The following TTC27 variants were observed in gnomAD, a reference collection of about 807,000 sequenced individuals.
The protein encoded by TTC27 is tetratricopeptide repeat protein 27.
In TTC27, 79 loss-of-function variants were observed where a neutral mutation model predicts 115.9. The observed-to-expected ratio is 0.68, with a 90% CI of 0.57 to 0.82. TTC27 has a LOEUF of 0.82. TTC27 is among the 40% of genes least tolerant of loss of function. TTC27 has a pLI of 0.00. For synonymous variants in TTC27, 401 were observed against 356.0 expected, an observed-to-expected ratio of 1.13 and a Z score of -1.42; for missense variants, 1,054 against 993.1, an observed-to-expected ratio of 1.06 and a Z score of -0.82.
intron 4 of TTC27, among the ~76,000 whole-genome samples, chr2:32,644,872 CTTTT>C (rs35904079): frequency 1.2e-5 from 1 of 83,332 alleles, no homozygotes; most frequent in African/African-American, 4.5e-5. Context: ...TTCCTTTCTG[CTTTT>C]TTTTTTTTTT....
chr2:32,659,262 G>C (rs187292703), intron 5 of TTC27, among the ~76,000 whole-genome samples: 4 of 151,790 alleles, frequency 2.6e-5, no homozygotes, highest in Non-Finnish European at 4.4e-5. Context: ...ACGATGCCCA[G>C]CCCCTCCTTT....
intron 12 of TTC27, among the ~76,000 whole-genome samples, chr2:32,753,527 T>A (rs947946294): frequency 9.4e-5 from 12 of 127,998 alleles, no homozygotes; most frequent in African/African-American, 3.5e-4. Flanking sequence ...AACCTCTGCC[T>A]CCCACTCTGC....
intron 10 of TTC27, among the ~76,000 whole-genome samples, chr2:32,714,409 C>T (rs1371316282): frequency 5.9e-5 from 9 of 152,056 alleles, no homozygotes; most frequent in African/African-American, 1.2e-4. Flanking sequence ...CTGCTTACCT[C>T]GGCCTCCCAA....
intron 16 of TTC27, among the ~76,000 whole-genome samples, chr2:32,804,010 TAA>T (rs56712262): frequency 6.7e-5 from 9 of 133,884 alleles, no homozygotes; most frequent in East Asian, 2.1e-4. Context: ...CCATCTCAAT[TAA>T]AAAAAAAAAA....
chr2:32,766,420 G>A (rs758691393), intron 13 of TTC27: 2 of 341,432 alleles, frequency 5.9e-6, no homozygotes, highest in African/African-American at 2.1e-5. Context: ...ACGCTGAGAG[G>A]CACTGTAGGG....
intron 8 of TTC27, among the ~76,000 whole-genome samples, chr2:32,672,586 TTCTG>T (rs1043776367): frequency 2.6e-5 from 4 of 152,224 alleles, no homozygotes; most frequent in Non-Finnish European, 5.9e-5. Context: ...ATATCTATTC[TTCTG>T]TTTCCTTTAT....
intron 9 of TTC27, among the ~76,000 whole-genome samples, chr2:32,695,987 G>T (rs1411467164): frequency 6.6e-6 from 1 of 150,938 alleles, no homozygotes; most frequent in Non-Finnish European, 1.5e-5. Context: ...GCCGGTCGTG[G>T]TGGCATGTAC....
chr2:32,718,438 C>A lies in TTC27; in HGVS notation c.1234-15390C>A, dbSNP rs1052920849. Among the ~76,000 whole-genome samples, 4 of 152,066 alleles carry A rather than the reference C, an allele frequency of 2.6e-5. No individual in the cohort carries two copies. The East Asian group carries it at 7.7e-4, about 29-fold the overall frequency. ...TAATTTCCAGTAAATCTGTATTTTT[C>A]TGATTGTCCTTTTTCTTAATAGTCT... On this transcript the variant is annotated intron_variant, in intron 10 of 19. Coordinates refer to ENST00000317907, the MANE Select transcript of TTC27 (RefSeq NM_017735.5).
chr2:32,674,296 A>G lies in TTC27; in HGVS notation c.1052+1912A>G, dbSNP rs190766210. 5.5e-4 allele frequency among the ~76,000 whole-genome samples: 83 copies of G among 151,890 alleles called. No homozygotes were observed. The East Asian group carries it at 0.015, about 28-fold the overall frequency. Reference sequence around the variant, plus strand: ...CTCCCAAGTAGCTAGGATTACAGGCATGTGCCACCACACCTGGCTAATTTT... The same window carrying G: ...CTCCCAAGTAGCTAGGATTACAGGCGTGTGCCACCACACCTGGCTAATTTT... On this transcript the variant is annotated intron_variant, in intron 8 of 19. Coordinates refer to ENST00000317907, the MANE Select transcript of TTC27 (RefSeq NM_017735.5).
intron 16 of TTC27, among the ~76,000 whole-genome samples, chr2:32,807,151 T>C (rs973705263): frequency 1.6e-4 from 25 of 152,304 alleles, no homozygotes; most frequent in Non-Finnish European, 3.7e-4. Flanking sequence ...AAATGAATAT[T>C]CATGTGTGTC....
Position 32,691,189 on chromosome 2 carries a change from C to A in TTC27, c.1120-11618C>A, listed in dbSNP as rs531546527. On this transcript the variant is annotated intron_variant, in intron 9 of 19. Coordinates refer to ENST00000317907, the MANE Select transcript of TTC27 (RefSeq NM_017735.5). ...CTCTTTGATGATGGTACAGAATTTTCTTTGCTACTTTTCTGGGGCATGAGG... is the reference window on the plus strand; with the variant it reads ...CTCTTTGATGATGGTACAGAATTTTATTTGCTACTTTTCTGGGGCATGAGG... 1.1e-4 allele frequency among the ~76,000 whole-genome samples: 17 copies of A among 152,146 alleles called. No individual in the cohort carries two copies. In the South Asian group the frequency reaches 3.5e-3, roughly 32 times the overall value.
chr2:32,672,421 T>G (rs566096806), intron 8 of TTC27, 37 bp downstream of exon 8: 1 of 1,434,724 alleles, frequency 7.0e-7, no homozygotes, highest in South Asian at 1.2e-5. Flanking sequence ...TTGAACACTT[T>G]GCATATTGAT....
At chr2:32,630,190 A>G (rs1300531374) in intron 1 of TTC27, among the ~76,000 whole-genome samples, 1 of 152,164 alleles carries the variant, frequency 6.6e-6, no homozygotes, top group Non-Finnish European at 1.5e-5. Flanking sequence ...AAGTTTTAGA[A>G]CCTTGACTAA....
chr2:32,735,243 T>C (rs1464182765), intron 11 of TTC27, among the ~76,000 whole-genome samples: 1 of 152,212 alleles, frequency 6.6e-6, no homozygotes, highest in Non-Finnish European at 1.5e-5. Flanking sequence ...AAAAAAGCTT[T>C]ATGATATCTC....
chr2:32,750,495 A>G (rs1289349827), intron 12 of TTC27, among the ~76,000 whole-genome samples: 1 of 152,224 alleles, frequency 6.6e-6, no homozygotes, highest in African/African-American at 2.4e-5. Context: ...GGATTTTAGG[A>G]AACAGTTTCC....
At chr2:32,697,695 C>A (rs1667034520) in intron 9 of TTC27, among the ~76,000 whole-genome samples, 1 of 152,088 alleles carries the variant, frequency 6.6e-6, no homozygotes, top group Admixed American at 6.6e-5. Context: ...CCTGCTTATT[C>A]AGGGGCACAT....
intron 4 of TTC27, among the ~76,000 whole-genome samples, chr2:32,648,002 T>G (rs1664930097): frequency 6.6e-6 from 1 of 152,232 alleles, no homozygotes; most frequent in South Asian, 2.1e-4. Flanking sequence ...CTTGTACACA[T>G]GTACATATAC....
Position 32,758,391 on chromosome 2 carries a change from G to T in TTC27, c.1552G>T (p.Ala518Ser), listed in dbSNP as rs139571501. 360 of 1,614,060 alleles carry T rather than the reference G, an allele frequency of 2.2e-4. No individual in the cohort carries two copies. Among genetic ancestry groups the T allele is most frequent in the Non-Finnish European group, 9.3e-5 (110 of 1,180,040 alleles). The change falls in exon 13 of 20, where the codon GCC becomes TCC. Residue 518 changes from alanine to serine, a missense_variant. Physicochemically the swap from Ala to Ser is moderately conservative, Grantham distance 99. Coordinates refer to ENST00000317907, the MANE Select transcript of TTC27 (RefSeq NM_017735.5). ...CGGAGACCATTCTTGCTATGACAAGGCCTGGGAGTTGTCCCGGTACCGCAG... is the reference window on the plus strand; with the variant it reads ...CGGAGACCATTCTTGCTATGACAAGTCCTGGGAGTTGTCCCGGTACCGCAG... ...VLGDHSCYDK[A>S]WELSRYRSAR...
intron 9 of TTC27, among the ~76,000 whole-genome samples, chr2:32,696,500 C>T (rs1666994631): frequency 6.6e-6 from 1 of 151,738 alleles, no homozygotes; most frequent in African/African-American, 2.4e-5. Flanking sequence ...TACCATGTTG[C>T]CCAGGCTGGT....
Sources: allele counts gnomAD v4.1 joint callset (sites outside exome capture counted in the v4.1 genomes callset), GRCh38; gene constraint gnomAD v4.1.1; transcripts MANE v1.5; gene names NCBI Gene and HGNC (gene_info 2026-07-23, HGNC 2026-07-21).